Variants in CYP19A1 observed in about 807,000 individuals in gnomAD.
CYP19A1 encodes the protein aromatase.
In CYP19A1, 32 loss-of-function variants were observed where a neutral mutation model predicts 44.4. The observed-to-expected ratio is 0.72, with a 90% CI of 0.54 to 0.97. CYP19A1 has a LOEUF of 0.97. Ranked by LOEUF, CYP19A1 falls within the 50% of genes least tolerant of loss-of-function variation. The pLI is 0.00. For missense variants in CYP19A1, 598 were observed against 637.8 expected (o/e 0.94, Z 0.67); for synonymous variants, 212 against 215.6 (o/e 0.98, Z 0.14).
At chr15:51,288,842 C>T (rs1026545769) in intron 1 of CYP19A1, among the ~76,000 whole-genome samples, 4 of 152,184 alleles carry the variant, frequency 2.6e-5, no homozygotes, top group Non-Finnish European at 5.9e-5. Flanking sequence ...TCCCAGCCGG[C>T]CCCACCCATA....
chr15:51,225,713 C>T lies in CYP19A1; in HGVS notation c.451+2066G>A, dbSNP rs192927254. Among the ~76,000 whole-genome samples, 13 of 152,278 alleles carry T rather than the reference C, an allele frequency of 8.5e-5. No individual in the cohort carries two copies. In the East Asian group the frequency reaches 2.5e-3, roughly 29 times the overall value. On this transcript the variant is annotated intron_variant, in intron 4 of 9. Transcript: ENST00000396402. ...GGTCATAATCCCCAGAACCTACTAACATGTTACTTTACATGAAAAGGGGGA... is the reference window on the plus strand; with the variant it reads ...GGTCATAATCCCCAGAACCTACTAATATGTTACTTTACATGAAAAGGGGGA...
intron 1 of CYP19A1, among the ~76,000 whole-genome samples, chr15:51,268,284 T>C (rs1258437033): frequency 6.6e-6 from 1 of 152,248 alleles, no homozygotes; most frequent in Non-Finnish European, 1.5e-5. Context: ...TGATAACCAC[T>C]GATTTGCTCC....
intron 9 of CYP19A1, chr15:51,211,675 T>C (rs1288812290): frequency 4.5e-6 from 2 of 446,080 alleles, no homozygotes; most frequent in Non-Finnish European, 9.0e-6. Context: ...ATCATGTTTC[T>C]ACACCATATG....
At chr15:51,325,968 C>T (rs192832551) in intron 1 of CYP19A1, among the ~76,000 whole-genome samples, 1 of 152,044 alleles carries the variant, frequency 6.6e-6, no homozygotes, top group East Asian at 1.9e-4. Context: ...AAAATCAAAG[C>T]CCATTTTATA....
chr15:51,218,508 T>C (rs780279182), intron 6 of CYP19A1, 33 bp downstream of exon 6: 5 of 1,595,244 alleles, frequency 3.1e-6, no homozygotes, highest in Non-Finnish European at 3.4e-6. Context: ...AATCCAATTG[T>C]ACTCATAAAT....
chr15:51,230,099 T>G (rs1488662749), intron 3 of CYP19A1, among the ~76,000 whole-genome samples: 1 of 152,260 alleles, frequency 6.6e-6, no homozygotes, highest in Non-Finnish European at 1.5e-5. Context: ...AAGCAAGGGA[T>G]GTGTGACTGG....
At chr15:51,320,531 C>T (rs1229904587) in intron 1 of CYP19A1, among the ~76,000 whole-genome samples, 3 of 152,234 alleles carry the variant, frequency 2.0e-5, no homozygotes, top group Non-Finnish European at 4.4e-5. Flanking sequence ...ATTTCAGGTA[C>T]TCCATGTAAA....
chr15:51,306,245 A>T (rs1358071892), intron 1 of CYP19A1, among the ~76,000 whole-genome samples: 3 of 152,242 alleles, frequency 2.0e-5, no homozygotes, highest in Non-Finnish European at 4.4e-5. Flanking sequence ...TCGGGTACAC[A>T]CAAGCACTGC....
chr15:51,238,535 C>T (rs1294017516), intron 2 of CYP19A1, among the ~76,000 whole-genome samples: 1 of 152,156 alleles, frequency 6.6e-6, no homozygotes, highest in East Asian at 1.9e-4. Flanking sequence ...GTTGCCCAGG[C>T]TGTAGTGCAG....
At chr15:51,216,125 G>C in intron 6 of CYP19A1, 1 of 397,466 alleles carries the variant, frequency 2.5e-6, no homozygotes, top group East Asian at 6.4e-5. Context: ...TCCAATTTCT[G>C]ATTTGGCAGG....
chr15:51,215,699 G>C lies in CYP19A1; in HGVS notation c.858+4C>G. 1.9e-6 allele frequency: 3 copies of C among 1,613,954 alleles called. No homozygotes were observed. Among genetic ancestry groups the C allele is most frequent in the Non-Finnish European group, 2.5e-6 (3 of 1,179,944 alleles). ...TGGGAATTACAGTTAGTTCAGGTCA[G>C]TACCTCTGCTAAAATCAACTCAGTG... On this transcript the variant is annotated splice_donor_region_variant and intron_variant, in intron 7 of 9. Transcript: ENST00000396402.
At chr15:51,242,027 A>G (rs766692036) in intron 2 of CYP19A1, among the ~76,000 whole-genome samples, 12 of 152,068 alleles carry the variant, frequency 7.9e-5, no homozygotes, top group Non-Finnish European at 1.6e-4. Flanking sequence ...ATTTCAAGTC[A>G]TTCTGAATTA....
rs1566873134 is a variant in CYP19A1 at position 51,218,510 on chromosome 15, C to T, written c.743+31G>A. The T allele has an allele frequency of 2.5e-6, 4 of 1,597,264 alleles. No homozygotes were observed. In the South Asian group the frequency reaches 3.4e-5, roughly 14 times the overall value. ...AGGGAAAAAAACCAATCCAATTGTA[C>T]TCATAAATCTTCCAAAGTTGTATTA... On this transcript the variant is annotated intron_variant, in intron 6 of 9. Transcript: ENST00000396402.
intron 1 of CYP19A1, among the ~76,000 whole-genome samples, chr15:51,294,924 T>A (rs1339742027): frequency 6.6e-6 from 1 of 151,806 alleles, no homozygotes; most frequent in African/African-American, 2.4e-5. Context: ...ATGGTTGCTG[T>A]GTCTGTGTAG....
chr15:51,310,756 TCTAGC>T (rs1668138744), intron 1 of CYP19A1, among the ~76,000 whole-genome samples: 1 of 152,122 alleles, frequency 6.6e-6, no homozygotes, highest in Admixed American at 6.5e-5. Context: ...AATCCATCCT[TCTAGC>T]CAGAGGACCA....
intron 1 of CYP19A1, among the ~76,000 whole-genome samples, chr15:51,262,879 A>T (rs1489312820): frequency 5.9e-5 from 9 of 152,252 alleles, no homozygotes; most frequent in African/African-American, 2.2e-4. Flanking sequence ...AATAAAAAAA[A>T]GACAATGCTT....
At chr15:51,254,062 G>A (rs902073051) in intron 1 of CYP19A1, among the ~76,000 whole-genome samples, 2 of 152,080 alleles carry the variant, frequency 1.3e-5, no homozygotes, top group Non-Finnish European at 2.9e-5. Context: ...AGTTGATGAG[G>A]GACAATACAG....
At chr15:51,255,647 C>CA (rs1442378778) in intron 1 of CYP19A1, 17 of 152,156 alleles carry the variant, frequency 1.1e-4, no homozygotes, top group Non-Finnish European at 2.2e-4. Context: ...TCAGTGGAGA[C>CA]AAAATCCATG....
chr15:51,314,128 G>C (rs2036375265), intron 1 of CYP19A1: 1 of 152,148 alleles, frequency 6.6e-6, no homozygotes, highest in East Asian at 2.0e-4. Context: ...GGAGCAGAGG[G>C]AATATCCAAA....
Sources: allele counts gnomAD v4.1 joint callset (sites outside exome capture counted in the v4.1 genomes callset), GRCh38; gene constraint gnomAD v4.1.1; transcripts MANE v1.5; gene names NCBI Gene and HGNC (gene_info 2026-07-23, HGNC 2026-07-21).